ARHGAP26: variants seen among roughly 807,000 people sequenced by gnomAD.
ARHGAP26 encodes the protein Rho GTPase activating protein 26.
In ARHGAP26, 38 loss-of-function variants were observed where a neutral mutation model predicts 104.8. The ratio of observed to expected loss-of-function variants is 0.36; its 90% CI spans 0.28 to 0.48. The LOEUF (loss-of-function observed/expected upper bound fraction) is 0.48. ARHGAP26 is among the 20% of genes least tolerant of loss of function. The probability of loss-of-function intolerance (pLI) is 0.99; values close to 1 mark genes in which losing one functional copy is unlikely to be tolerated. For synonymous variants in ARHGAP26, 341 were observed against 340.0 expected (o/e 1.00, Z -0.03); for missense variants, 704 against 947.9 (o/e 0.74, Z 3.38).
chr5:142,826,413 GAAGTTTAAAGAGGGGTAAAT>G (rs887736505), intron 1 of ARHGAP26, among the ~76,000 whole-genome samples: 5 of 152,218 alleles, frequency 3.3e-5, no homozygotes, highest in East Asian at 1.9e-4. Flanking sequence ...GCAGGAAATT[GAAGTTTAAAGAGGGGTAAAT>G]AAGTTTAAAG....
chr5:142,877,383 TC>T (rs1756285727), intron 3 of ARHGAP26, among the ~76,000 whole-genome samples: 1 of 152,088 alleles, frequency 6.6e-6, no homozygotes, highest in Admixed American at 6.5e-5. Flanking sequence ...CCACATTGTG[TC>T]CTGATAAACA....
chr5:143,125,112 A>G (rs571329051), intron 18 of ARHGAP26, among the ~76,000 whole-genome samples: 1 of 152,336 alleles, frequency 6.6e-6, no homozygotes, highest in East Asian at 1.9e-4. Flanking sequence ...GGCATTAAAG[A>G]AAAAGGAAAG....
chr5:142,809,779 C>T (rs1450259158), intron 1 of ARHGAP26, among the ~76,000 whole-genome samples: 1 of 152,218 alleles, frequency 6.6e-6, no homozygotes, highest in Non-Finnish European at 1.5e-5. Flanking sequence ...CTCATTCATT[C>T]ATTCATCCAC....
chr5:143,050,420 A>G (rs1184300632), intron 14 of ARHGAP26, among the ~76,000 whole-genome samples: 1 of 152,082 alleles, frequency 6.6e-6, no homozygotes, highest in African/African-American at 2.4e-5. Context: ...ATTATACAGC[A>G]GTGCTGTAAA....
intron 1 of ARHGAP26, among the ~76,000 whole-genome samples, chr5:142,839,414 C>T (rs532333906): frequency 3.5e-4 from 53 of 151,944 alleles, no homozygotes; most frequent in African/African-American, 1.2e-3. Flanking sequence ...ATGTACAGAG[C>T]GGTCATATAA....
intron 18 of ARHGAP26, among the ~76,000 whole-genome samples, chr5:143,129,700 A>G (rs1797113630): frequency 6.6e-6 from 1 of 152,216 alleles, no homozygotes; most frequent in Non-Finnish European, 1.5e-5. Context: ...TGTGAGTAAA[A>G]TAATCCATGT....
intron 11 of ARHGAP26, among the ~76,000 whole-genome samples, chr5:143,011,245 G>A (rs565508513): frequency 3.3e-4 from 49 of 148,374 alleles, no homozygotes; most frequent in Non-Finnish European, 5.9e-4. Flanking sequence ...CAGGCCTGGC[G>A]CAAACGTCAT....
chr5:142,935,586 A>T (rs1765293379), intron 11 of ARHGAP26, among the ~76,000 whole-genome samples: 1 of 152,208 alleles, frequency 6.6e-6, no homozygotes, highest in Non-Finnish European at 1.5e-5. Flanking sequence ...CTTTTATGTA[A>T]TCATTCCAAG....
intron 17 of ARHGAP26, among the ~76,000 whole-genome samples, chr5:143,088,854 C>T (rs557629696): frequency 7.2e-5 from 11 of 152,002 alleles, no homozygotes; most frequent in South Asian, 2.1e-4. Flanking sequence ...AAGAGAGTGA[C>T]GGGGTGAGTG....
At chr5:143,196,985 T>G (rs1014199999) in intron 20 of ARHGAP26, among the ~76,000 whole-genome samples, 4 of 152,238 alleles carry the variant, frequency 2.6e-5, no homozygotes, top group African/African-American at 9.6e-5. Flanking sequence ...TATCCCTAAA[T>G]GCAACATTTT....
intron 1 of ARHGAP26, among the ~76,000 whole-genome samples, chr5:142,802,205 G>A (rs1210839464): frequency 6.6e-6 from 1 of 152,228 alleles, no homozygotes; most frequent in African/African-American, 2.4e-5. Flanking sequence ...ATAAACAGAT[G>A]TGTGGAAGTT....
intron 11 of ARHGAP26, among the ~76,000 whole-genome samples, chr5:142,980,614 C>A (rs902956930): frequency 6.6e-6 from 1 of 152,050 alleles, no homozygotes; most frequent in African/African-American, 2.4e-5. Context: ...GTCTCGAACT[C>A]CTGACCTCAG....
At chr5:143,097,051 A>G (rs766408071) in intron 17 of ARHGAP26, among the ~76,000 whole-genome samples, 2 of 152,016 alleles carry the variant, frequency 1.3e-5, no homozygotes, top group African/African-American at 4.8e-5. Context: ...TCTGGACTCA[A>G]ATACAGACCA....
intron 1 of ARHGAP26, among the ~76,000 whole-genome samples, chr5:142,855,585 C>T (rs1387236476): frequency 6.6e-6 from 1 of 152,244 alleles, no homozygotes; most frequent in African/African-American, 2.4e-5. Flanking sequence ...ATCTATCCTG[C>T]TGGCTGCCCG....
At chr5:142,902,806 G>A (rs1350113129) in intron 7 of ARHGAP26, among the ~76,000 whole-genome samples, 1 of 152,186 alleles carries the variant, frequency 6.6e-6, no homozygotes, top group Non-Finnish European at 1.5e-5. Flanking sequence ...CTTCCCCTTA[G>A]GCCAGGTTTC....
chr5:143,041,750 G>A lies in ARHGAP26; in HGVS notation c.1211-66G>A, dbSNP rs962724787. 133 of 1,011,390 alleles carry A rather than the reference G, an allele frequency of 1.3e-4. 1 individual carries two copies. In the South Asian group the frequency reaches 2.0e-3, roughly 15 times the overall value. The allele number at this position is 1,011,390 out of a possible 1,614,324, so 62.7% of individuals were successfully genotyped here. A position where few individuals can be genotyped will look rare whatever the true frequency, so the allele number is the denominator to read the frequency against. ...AAAAAAAAAAAAAAAAAGTGCATTTGGCTGGATTGGCCTGACTTGTGTTCT... is the reference window on the plus strand; with the variant it reads ...AAAAAAAAAAAAAAAAAGTGCATTTAGCTGGATTGGCCTGACTTGTGTTCT... On this transcript the variant is annotated intron_variant, in intron 13 of 22. Transcript: ENST00000645722.
At chr5:142,963,172 GTA>G (rs58576577) in intron 11 of ARHGAP26, among the ~76,000 whole-genome samples, 2,231 of 88,950 alleles carry the variant, frequency 0.025, 57 homozygotes, top group South Asian at 0.031. Flanking sequence ...TGGTATATAT[GTA>G]TATATATATA....
At chr5:142,978,665 A>G (rs927886314) in intron 11 of ARHGAP26, among the ~76,000 whole-genome samples, 1 of 152,052 alleles carries the variant, frequency 6.6e-6, no homozygotes, top group African/African-American at 2.4e-5. Flanking sequence ...ATCAATTGGC[A>G]TGATACTTTC....
chr5:143,059,892 G>A (rs1328836917), intron 17 of ARHGAP26, among the ~76,000 whole-genome samples: 4 of 152,116 alleles, frequency 2.6e-5, no homozygotes, highest in East Asian at 1.9e-4. Flanking sequence ...AATTCTTAGC[G>A]TGCTGTGTTC....
Sources: gnomAD v4.1 joint callset for allele counts (sites outside exome capture counted in the v4.1 genomes callset) on GRCh38, gnomAD v4.1.1 for gene constraint, MANE v1.5 for transcripts, NCBI Gene and HGNC (gene_info 2026-07-23, HGNC 2026-07-21) for gene names.